Variants in SNX6 observed in about 807,000 individuals in gnomAD.
SNX6 encodes sorting nexin 6.
A neutral mutation model predicts 63.0 loss-of-function variants in SNX6; 34 were observed. The ratio of observed to expected loss-of-function variants is 0.54; its 90% confidence interval spans 0.41 to 0.72. The LOEUF (loss-of-function observed/expected upper bound fraction) is 0.72. SNX6 is among the 30% of genes least tolerant of loss of function. The pLI is 0.00. For missense variants in SNX6, 398 were observed against 471.4 expected, an observed-to-expected ratio of 0.84 and a Z score of 1.44; for synonymous variants, 170 against 164.2, an observed-to-expected ratio of 1.04 and a Z score of -0.27.
chr14:34,611,540 T>C (rs1883228795), intron 2 of SNX6, among the ~76,000 whole-genome samples: 1 of 150,968 alleles, frequency 6.6e-6, no homozygotes, highest in South Asian at 2.1e-4. Flanking sequence ...TCCCAGCACT[T>C]TGGCAGGCCG....
intron 7 of SNX6, 22 bp downstream of exon 7, chr14:34,597,528 A>T: frequency 7.4e-7 from 1 of 1,353,800 alleles, no homozygotes; most frequent in Non-Finnish European, 1.0e-6. Context: ...CTAATACCAC[A>T]GTTAATCAAA....
chr14:34,581,467 T>G (rs781022653), intron 10 of SNX6, 94 bp downstream of exon 10: 1 of 734,110 alleles, frequency 1.4e-6, no homozygotes, highest in Non-Finnish European at 2.2e-6. Flanking sequence ...GATCACTCTT[T>G]TAAAAAAATT....
intron 2 of SNX6, among the ~76,000 whole-genome samples, chr14:34,623,344 G>C (rs1194306170): frequency 6.6e-6 from 1 of 152,018 alleles, no homozygotes; most frequent in Non-Finnish European, 1.5e-5. Flanking sequence ...ATGGGGAGTA[G>C]ACTAGAATAT....
At chr14:34,615,874 T>C (rs1248827627) in intron 2 of SNX6, among the ~76,000 whole-genome samples, 1 of 152,208 alleles carries the variant, frequency 6.6e-6, no homozygotes, top group Admixed American at 6.5e-5. Context: ...GTATAAAATA[T>C]CACTGAAAAG....
chr14:34,596,611 T>A, intron 7 of SNX6, among the ~76,000 whole-genome samples: 1 of 123,744 alleles, frequency 8.1e-6, no homozygotes. Flanking sequence ...AAAGCAAGAC[T>A]CTATCTCAGG....
chr14:34,574,450 G>A (rs997152504), intron 11 of SNX6, among the ~76,000 whole-genome samples: 1 of 151,406 alleles, frequency 6.6e-6, no homozygotes, highest in African/African-American at 2.4e-5. Flanking sequence ...AGGAGTTCGA[G>A]ACCAGCCTGG....
At chr14:34,568,140 T>A in intron 11 of SNX6, 127 bp from the exon 12 acceptor site, 1 of 630,166 alleles carries the variant, frequency 1.6e-6, no homozygotes, top group Non-Finnish European at 2.4e-6. Flanking sequence ...TGCCAGTTAC[T>A]CCAATTTTTT....
In SNX6 at chr14:34,567,867, C is replaced by G. The variant is rs759451423; in HGVS notation, c.1068G>C (p.Glu356Asp). 18 of 1,614,036 alleles carry G rather than the reference C, an allele frequency of 1.1e-5. No individual in the cohort carries two copies. The highest frequency in any genetic ancestry group is 1.4e-5 in the Non-Finnish European group (17 of 1,180,006). The part of the protein sequence containing the change: ...LCCQKFEKIS[E>D]SAKQELIDFK... ...ACGTAACAGTACCTTGTTTTGCAGA[C>G]TCAGATATTTTTTCAAATTTCTGAC... The change falls in exon 12 of 14, where the codon GAG becomes GAC. Residue 356 changes from glutamate to aspartate, a missense_variant. By Grantham distance (45) the Glu-to-Asp change is conservative. Transcript: ENST00000362031.
chr14:34,563,836 T>TCAAGTAATTCTCCTGCGTC (rs1881046639), intron 13 of SNX6, among the ~76,000 whole-genome samples: 1 of 152,168 alleles, frequency 6.6e-6, no homozygotes, highest in Non-Finnish European at 1.5e-5. Flanking sequence ...CCTCCTGGGT[T>TCAAGTAATTCTCCTGCGTC]CAAGTAATTC....
At chr14:34,606,611 C>A (rs1883031194) in intron 4 of SNX6, among the ~76,000 whole-genome samples, 1 of 151,998 alleles carries the variant, frequency 6.6e-6, no homozygotes, top group Non-Finnish European at 1.5e-5. Context: ...TGCCACCATG[C>A]CTGGCTAATT....
At chr14:34,606,465 T>TG (rs1311661116) in intron 4 of SNX6, among the ~76,000 whole-genome samples, 82 of 148,992 alleles carry the variant, frequency 5.5e-4, no homozygotes, top group African/African-American at 1.9e-3. Flanking sequence ...TTTTTTTTTT[T>TG]TGGGGGGATG....
At chr14:34,602,925 G>C (rs1462527290) in intron 6 of SNX6, among the ~76,000 whole-genome samples, 1 of 132,470 alleles carries the variant, frequency 7.5e-6, no homozygotes. Context: ...GCAGTGAGCT[G>C]AGATGACGCC....
At chr14:34,619,159 T>C (rs1432339971) in intron 2 of SNX6, among the ~76,000 whole-genome samples, 2 of 152,252 alleles carry the variant, frequency 1.3e-5, no homozygotes, top group East Asian at 1.9e-4. Flanking sequence ...CGCAGTGGCT[T>C]ATGCCTGTAA....
chr14:34,593,738 A>T (rs1477232018), intron 7 of SNX6, among the ~76,000 whole-genome samples: 2 of 144,322 alleles, frequency 1.4e-5, no homozygotes. Flanking sequence ...CGCCCAGCTA[A>T]TTTTTTTTTT....
At chr14:34,609,602 T>C (rs1274720096) in intron 3 of SNX6, 36 bp downstream of exon 3, 3 of 1,380,512 alleles carry the variant, frequency 2.2e-6, no homozygotes, top group Non-Finnish European at 3.1e-6. Flanking sequence ...GTATAATAAA[T>C]GGCTAAAATA....
intron 8 of SNX6, among the ~76,000 whole-genome samples, chr14:34,588,044 G>A (rs1882247271): frequency 6.8e-6 from 1 of 147,886 alleles, no homozygotes; most frequent in Non-Finnish European, 1.5e-5. Flanking sequence ...GTCTCACTCT[G>A]TCACCCAGGC....
intron 13 of SNX6, among the ~76,000 whole-genome samples, chr14:34,565,683 ATT>A (rs151333176): frequency 7.3e-6 from 1 of 137,668 alleles, no homozygotes. Flanking sequence ...TGCCTGGCTG[ATT>A]TTTTTTTTTT....
chr14:34,564,088 C>T (rs1375537280), intron 13 of SNX6, among the ~76,000 whole-genome samples: 2 of 152,118 alleles, frequency 1.3e-5, no homozygotes, highest in Admixed American at 6.6e-5. Flanking sequence ...AGTGCAGTGG[C>T]ATGATCTTGG....
Position 34,618,049 on chromosome 14 carries a change from G to A in SNX6, c.55-8307C>T, listed in dbSNP as rs368267474. 3.2e-4 allele frequency among the ~76,000 whole-genome samples: 48 copies of A among 152,232 alleles called. 2 individuals carry two copies. The highest frequency in any genetic ancestry group is 1.9e-3 in the East Asian group (10 of 5,190). On this transcript the variant is annotated intron_variant, in intron 2 of 13. Transcript: ENST00000362031. ...ATATTTTGACAGCAAAGCAAATGTA[G>A]AGAGATGGATGAGTGGATGGGATGG... is the stretch of plus-strand genomic sequence containing the variant.
Sources: gnomAD v4.1 joint callset for allele counts (sites outside exome capture counted in the v4.1 genomes callset) on GRCh38, gnomAD v4.1.1 for gene constraint, MANE v1.5 for transcripts, NCBI Gene and HGNC (gene_info 2026-07-23, HGNC 2026-07-21) for gene names.